Variants in CMTM8 observed in about 807,000 individuals in gnomAD.
CMTM8 encodes the protein CKLF-like MARVEL transmembrane domain-containing protein 8.
In CMTM8, 12 loss-of-function variants were observed where a neutral mutation model predicts 18.6. That is an observed-to-expected ratio of 0.65 (90% CI 0.41 to 1.05). The LOEUF (loss-of-function observed/expected upper bound fraction) is 1.05, where lower values mean the gene tolerates loss of function less well. CMTM8 is among the 50% of genes least tolerant of loss of function. The pLI, the probability that CMTM8 is intolerant of heterozygous loss-of-function variation, is 0.00. For synonymous variants in CMTM8, 87 were observed against 90.6 expected (o/e 0.96, Z 0.23); for missense variants, 217 against 227.2 (o/e 0.95, Z 0.29).
chr3:32,288,691 G>A (rs918298353), intron 1 of CMTM8, among the ~76,000 whole-genome samples: 5 of 152,022 alleles, frequency 3.3e-5, no homozygotes, highest in African/African-American at 7.3e-5. Flanking sequence ...TAGTAGAGAC[G>A]GCATTTCACC....
rs552936148 is a variant in CMTM8 at position 32,254,167 on chromosome 3, T to A, written c.147+15048T>A. Among the ~76,000 whole-genome samples the A allele has an allele frequency of 1.8e-4, 27 of 152,362 alleles. No homozygotes were observed. The South Asian group carries it at 5.4e-3, about 30-fold the overall frequency. ...CCTCGGTCTCCCAAAATGCTGGGAT[T>A]ACAGGTGTGAGCCACTGCACCCGGC... On this transcript the variant is annotated intron_variant, in intron 1 of 3. Coordinates refer to ENST00000307526, the MANE Select transcript of CMTM8 (RefSeq NM_178868.5).
chr3:32,258,426 A>G (rs1273751683), intron 1 of CMTM8, among the ~76,000 whole-genome samples: 4 of 152,226 alleles, frequency 2.6e-5, no homozygotes, highest in Non-Finnish European at 4.4e-5. Context: ...TTGAACATAT[A>G]TAAGGAATAA....
At chr3:32,369,030 C>T (rs545581919) in intron 3 of CMTM8, among the ~76,000 whole-genome samples, 3 of 152,124 alleles carry the variant, frequency 2.0e-5, no homozygotes, top group Non-Finnish European at 2.9e-5. Flanking sequence ...GTAGATTGGT[C>T]GGGCACAGTG....
intron 1 of CMTM8, among the ~76,000 whole-genome samples, chr3:32,310,716 A>G (rs961860895): frequency 4.0e-5 from 6 of 149,546 alleles, no homozygotes; most frequent in Non-Finnish European, 7.4e-5. Context: ...TAAATAAACT[A>G]GGAAATACTC....
intron 1 of CMTM8, among the ~76,000 whole-genome samples, chr3:32,313,438 A>G (rs1034638893): frequency 9.9e-5 from 15 of 152,064 alleles, no homozygotes; most frequent in African/African-American, 3.6e-4. Context: ...GTGTAGCTGG[A>G]ACTACAGGCT....
intron 1 of CMTM8, among the ~76,000 whole-genome samples, chr3:32,283,392 T>G (rs1304821484): frequency 6.6e-6 from 1 of 152,198 alleles, no homozygotes; most frequent in African/African-American, 2.4e-5. Context: ...GTTTCTTCTC[T>G]TCAGACTGAG....
chr3:32,319,048 G>A (rs1246647349), intron 1 of CMTM8, among the ~76,000 whole-genome samples: 1 of 83,454 alleles, frequency 1.2e-5, no homozygotes, highest in Non-Finnish European at 2.1e-5. Flanking sequence ...ATATATATGT[G>A]TGTATATACA....
intron 1 of CMTM8, among the ~76,000 whole-genome samples, chr3:32,264,770 A>G (rs1702310626): frequency 6.6e-6 from 1 of 152,090 alleles, no homozygotes; most frequent in Non-Finnish European, 1.5e-5. Context: ...TACCAAGCAA[A>G]TGGAAAGCAA....
At chr3:32,267,759 AAAAC>A (rs1702370303) in intron 1 of CMTM8, among the ~76,000 whole-genome samples, 1 of 151,928 alleles carries the variant, frequency 6.6e-6, no homozygotes, top group Admixed American at 6.6e-5. Context: ...TTACAAGAAA[AAAAC>A]AACCCCATCA....
intron 1 of CMTM8, among the ~76,000 whole-genome samples, chr3:32,315,740 G>A (rs1490031371): frequency 4.6e-5 from 7 of 152,160 alleles, no homozygotes; most frequent in Admixed American, 3.3e-4. Flanking sequence ...ATATTTCTGA[G>A]AACATGCTTT....
intron 1 of CMTM8, among the ~76,000 whole-genome samples, chr3:32,261,281 G>A (rs754388189): frequency 1.1e-4 from 17 of 151,998 alleles, no homozygotes; most frequent in South Asian, 2.1e-4. Context: ...AATATTTACC[G>A]TGTGCCAGAA....
At chr3:32,270,706 C>T (rs1365192745) in intron 1 of CMTM8, among the ~76,000 whole-genome samples, 1 of 151,990 alleles carries the variant, frequency 6.6e-6, no homozygotes, top group East Asian at 1.9e-4. Flanking sequence ...AACGTCACAA[C>T]CCGGGGCCTG....
chr3:32,308,034 T>C (rs1695750507), intron 1 of CMTM8, among the ~76,000 whole-genome samples: 1 of 152,196 alleles, frequency 6.6e-6, no homozygotes, highest in African/African-American at 2.4e-5. Flanking sequence ...GCGGCTCAAT[T>C]CAAAAGGAGA....
rs564861155 is a variant in CMTM8, at chr3:32,359,419, G to A, written c.321+1873G>A. Reference sequence around the variant, plus strand: ...AGCCTGGCCAACATGGCGAAATCCCGTCTCTACTATAAATACAAAAATTAG... The same window carrying A: ...AGCCTGGCCAACATGGCGAAATCCCATCTCTACTATAAATACAAAAATTAG... On this transcript the variant is annotated intron_variant, in intron 2 of 3. Coordinates refer to ENST00000307526, the MANE Select transcript of CMTM8 (RefSeq NM_178868.5). 1.2e-4 allele frequency among the ~76,000 whole-genome samples: 19 copies of A among 152,244 alleles called. 1 individual carries two copies. In the East Asian group the frequency reaches 2.5e-3, roughly 20 times the overall value.
intron 1 of CMTM8, among the ~76,000 whole-genome samples, chr3:32,281,591 CT>C (rs1702611736): frequency 6.6e-6 from 1 of 152,110 alleles, no homozygotes; most frequent in Non-Finnish European, 1.5e-5. Context: ...CAGTTGTCAC[CT>C]TTTTTCTCTG....
chr3:32,336,615 C>T (rs1009127329), intron 1 of CMTM8, among the ~76,000 whole-genome samples: 1 of 152,096 alleles, frequency 6.6e-6, no homozygotes, highest in African/African-American at 2.4e-5. Flanking sequence ...TATACAAATA[C>T]TGATGGTGCT....
rs145058841 is a variant in CMTM8 at position 32,353,928 on chromosome 3, G to T, written c.148-3445G>T. Reference sequence around the variant, plus strand: ...GCCTCCCGAGTAGCTGGGACTACAGGCAGGTACCACGACGCCCAGCTAATT... The same window carrying T: ...GCCTCCCGAGTAGCTGGGACTACAGTCAGGTACCACGACGCCCAGCTAATT... On this transcript the variant is annotated intron_variant, in intron 1 of 3. Coordinates refer to ENST00000307526, the MANE Select transcript of CMTM8 (RefSeq NM_178868.5). Among the ~76,000 whole-genome samples, 863 of 151,994 alleles carry T rather than the reference G, an allele frequency of 5.7e-3. 2 individuals carry two copies. The highest frequency in any genetic ancestry group is 8.5e-3 in the Non-Finnish European group (577 of 67,948).
At chr3:32,309,300 A>ATTTTTTTTTT (rs4038996) in intron 1 of CMTM8, among the ~76,000 whole-genome samples, 2 of 96,434 alleles carry the variant, frequency 2.1e-5, no homozygotes, top group African/African-American at 8.3e-5. Context: ...CAATTTACCA[A>ATTTTTTTTTT]TTTTTTTTTT....
intron 1 of CMTM8, among the ~76,000 whole-genome samples, chr3:32,253,747 G>A (rs2125533052): frequency 6.6e-6 from 1 of 152,264 alleles, no homozygotes; most frequent in East Asian, 1.9e-4. Context: ...TGTTGCCCAA[G>A]CTGGAGTGCA....
Sources: gnomAD v4.1 joint callset for allele counts (sites outside exome capture counted in the v4.1 genomes callset) on GRCh38, gnomAD v4.1.1 for gene constraint, MANE v1.5 for transcripts, NCBI Gene and HGNC (gene_info 2026-07-23, HGNC 2026-07-21) for gene names.